RINT1: variants seen among roughly 807,000 people sequenced by gnomAD.
RINT1 encodes the protein RAD50 interactor 1.
In RINT1, 75 loss-of-function variants were observed where a neutral mutation model predicts 97.7. The observed-to-expected ratio is 0.77, with a 90% CI of 0.64 to 0.93. RINT1 has a LOEUF of 0.93. Among genes scored for constraint, RINT1 ranks in the 40% least tolerant of loss-of-function variants. The pLI is 0.00. For missense variants in RINT1, 892 were observed against 925.2 expected, an observed-to-expected ratio of 0.96 and a Z score of 0.47; for synonymous variants, 303 against 326.3, an observed-to-expected ratio of 0.93 and a Z score of 0.77.
rs761138389 is a variant in RINT1 at position 105,532,320 on chromosome 7, T to C, written c.5T>C (p.Leu2Pro). M[L>P]PAGEIGASPA... The stretch of plus-strand genomic sequence containing the variant: ...GAGGACTCGCGCGGAGGCGAGATGC[T>C]ACCAGCCGGCGAGATCGGCGCCTCT... The change falls in exon 1 of 15, where the codon CTA (leucine) becomes CCA (proline). Residue 2 changes from leucine to proline, a missense_variant. By Grantham distance (98) the Leu-to-Pro change is moderately conservative. Transcript: ENST00000257700. 6.9e-6 allele frequency: 11 copies of C among 1,592,278 alleles called. No homozygotes were observed. The highest frequency in any genetic ancestry group is 4.5e-5 in the South Asian group (4 of 88,012).
At chr7:105,548,417 A>G (rs577314633) in intron 6 of RINT1, 137 bp from the exon 7 acceptor site, 3 of 708,184 alleles carry the variant, frequency 4.2e-6, no homozygotes, top group Non-Finnish European at 7.3e-6. Flanking sequence ...ATTAGGTTAC[A>G]TATTATTTGC....
At chr7:105,542,278 T>G in intron 3 of RINT1, 130 bp from the exon 4 acceptor site, 5 of 669,170 alleles carry the variant, frequency 7.5e-6, no homozygotes, top group Non-Finnish European at 1.0e-5. Flanking sequence ...CAGGCTGCAG[T>G]GAGCTATGAT....
In RINT1 at chr7:105,551,552, G is replaced by A. The variant is rs777660482; in HGVS notation, c.1334-18G>A. 6.4e-7 allele frequency: 1 copy of A among 1,568,656 alleles called. No homozygotes were observed. The highest frequency in any genetic ancestry group is 2.0e-5 in the Admixed American group (1 of 51,166). ...CTGTAACTACTTAATTGACATAATT[G>A]TTTTGTCTGCTTATCAGTTGCTCTT... is the stretch of plus-strand genomic sequence containing the variant. On this transcript the variant is annotated intron_variant, in intron 9 of 14. Transcript: ENST00000257700.
chr7:105,558,384 C>T (rs1176354199), intron 11 of RINT1, among the ~76,000 whole-genome samples: 1 of 151,836 alleles, frequency 6.6e-6, no homozygotes, highest in Non-Finnish European at 1.5e-5. Context: ...AGTAAGTATT[C>T]TCTCAGCACC....
chr7:105,549,322 A>T (rs563030796), intron 7 of RINT1, among the ~76,000 whole-genome samples: 1 of 151,624 alleles, frequency 6.6e-6, no homozygotes, highest in African/African-American at 2.4e-5. Context: ...CCTGTATAAG[A>T]CATGCGTAGT....
chr7:105,549,241 C>G (rs818627), intron 7 of RINT1, among the ~76,000 whole-genome samples: 8,141 of 152,114 alleles, frequency 0.054, 579 homozygotes, highest in African/African-American at 0.17. Context: ...CCTGACTTAG[C>G]CTCCCAAAGT....
At chr7:105,532,542 G>C (rs1025865681) in intron 1 of RINT1, among the ~76,000 whole-genome samples, 185 bp downstream of exon 1, 1 of 152,166 alleles carries the variant, frequency 6.6e-6, no homozygotes, top group African/African-American at 2.4e-5. Flanking sequence ...AGTGGCTTTG[G>C]CGGCCCTGGT....
Position 105,567,514 on chromosome 7 carries a change from G to A in RINT1, c.*203G>A, listed in dbSNP as rs928030861. On this transcript the variant is annotated 3_prime_UTR_variant, in exon 15 of 15. Coordinates refer to ENST00000257700, the MANE Select transcript of RINT1 (RefSeq NM_021930.6). ...TCCTAAGGAAACAAAAACAGAAAAC[G>A]AAACAATGAAAACTCAATTCTATTT... 47 of 691,018 alleles carry A rather than the reference G, an allele frequency of 6.8e-5. No homozygotes were observed. The highest frequency in any genetic ancestry group is 1.6e-4 in the African/African-American group (9 of 56,296). The allele number at this position is 691,018 out of a possible 1,614,324, so 42.8% of individuals were successfully genotyped here.
At chr7:105,561,675 C>T (rs2133453010) in intron 11 of RINT1, among the ~76,000 whole-genome samples, 1 of 152,136 alleles carries the variant, frequency 6.6e-6, no homozygotes, top group East Asian at 1.9e-4. Flanking sequence ...AATTCTTCTG[C>T]CTCAGCCTCC....
intron 6 of RINT1, 96 bp from the exon 7 acceptor site, chr7:105,548,453 TGATAC>T: frequency 9.8e-7 from 1 of 1,020,116 alleles, no homozygotes; most frequent in Non-Finnish European, 1.5e-6. Context: ...ACTGAGTATC[TGATAC>T]ATTTGTTGGA....
chr7:105,545,771 C>T (rs1441953466), intron 4 of RINT1, among the ~76,000 whole-genome samples: 2 of 150,422 alleles, frequency 1.3e-5, no homozygotes, highest in African/African-American at 2.4e-5. Flanking sequence ...CTCCGGTGAT[C>T]CACCCATGTT....
intron 2 of RINT1, among the ~76,000 whole-genome samples, chr7:105,535,946 G>T (rs1790212808): frequency 6.6e-6 from 1 of 152,174 alleles, no homozygotes; most frequent in South Asian, 2.1e-4. Flanking sequence ...ATTGAAACCT[G>T]TGGTTACTGG....
At position 105,562,742 on chromosome 7, in the gene RINT1, C is replaced by CA. The variant is rs1029737369; in HGVS notation, c.1672-980dup. ...TGAAACACCATCTCTACGAAAGTTACAAAAAAAAAAATTAGCCAGGTGTGC... is the reference window on the plus strand; with the variant it reads ...TGAAACACCATCTCTACGAAAGTTACAAAAAAAAAAAATTAGCCAGGTGTGC... On this transcript the variant is annotated intron_variant, in intron 11 of 14. Coordinates refer to ENST00000257700, the MANE Select transcript of RINT1 (RefSeq NM_021930.6). Among the ~76,000 whole-genome samples, 891 of 145,244 alleles carry CA rather than the reference C, an allele frequency of 6.1e-3. 7 individuals are homozygous for CA. The highest frequency in any genetic ancestry group is 0.02 in the African/African-American group (797 of 39,866).
At chr7:105,551,495 TA>T in intron 9 of RINT1, 74 bp from the exon 10 acceptor site, 6 of 1,332,210 alleles carry the variant, frequency 4.5e-6, no homozygotes, top group Non-Finnish European at 6.1e-6. Flanking sequence ...CCATCATTCC[TA>T]AAAAATTACA....
chr7:105,561,177 T>C (rs981150472), intron 11 of RINT1, among the ~76,000 whole-genome samples: 1 of 152,208 alleles, frequency 6.6e-6, no homozygotes, highest in Non-Finnish European at 1.5e-5. Context: ...TTCAGACCTT[T>C]ATAATCTTAT....
At chr7:105,565,213 TGATTTAAAAA>T in intron 12 of RINT1, 54 bp from the exon 13 acceptor site, 1 of 1,453,220 alleles carries the variant, frequency 6.9e-7, no homozygotes, top group Non-Finnish European at 9.3e-7. Context: ...AAATTTAAAA[TGATTTAAAAA>T]CTTGAAAAAT....
In RINT1 at chr7:105,555,150, C is replaced by T. The variant is rs760823101; in HGVS notation, c.1594C>T (p.Leu532Phe). 5 of 1,613,938 alleles carry T rather than the reference C, an allele frequency of 3.1e-6. No homozygotes were observed. The Admixed American group carries it at 6.7e-5, about 22-fold the overall frequency. Residue 532 changes from leucine to phenylalanine, a missense_variant, in exon 11 of 15, where the codon CTT (leucine) becomes TTT (phenylalanine). Leu to Phe is a conservative substitution (Grantham distance 22). Transcript: ENST00000257700. Reference sequence around the variant, plus strand: ...GATGAAAGAAGAGACTAGAGCTTCCCTTGGCTTTCGATACTGTGCAATTCT... The same window carrying T: ...GATGAAAGAAGAGACTAGAGCTTCCTTTGGCTTTCGATACTGTGCAATTCT... ...QVMKEETRAS[L>F]GFRYCAILNA...
chr7:105,537,098 T>C (rs1439897580), intron 3 of RINT1, among the ~76,000 whole-genome samples: 1 of 133,302 alleles, frequency 7.5e-6, no homozygotes, highest in Non-Finnish European at 1.7e-5. Context: ...CAAAAATATA[T>C]ACCATGGTGT....
chr7:105,550,191 C>CTGTTT (rs1790865430), intron 8 of RINT1, 26 bp downstream of exon 8: 1 of 1,604,564 alleles, frequency 6.2e-7, no homozygotes, highest in Non-Finnish European at 8.5e-7. Context: ...ATAAGTGTTT[C>CTGTTT]TGTTTTAGAA....
Sources: allele counts gnomAD v4.1 joint callset (sites outside exome capture counted in the v4.1 genomes callset), GRCh38; gene constraint gnomAD v4.1.1; transcripts MANE v1.5; gene names NCBI Gene and HGNC (gene_info 2026-07-23, HGNC 2026-07-21).